Variants in SDK1 observed in about 807,000 individuals in gnomAD.
The protein encoded by SDK1 is protein sidekick-1.
In SDK1, 157 loss-of-function variants were observed where a neutral mutation model predicts 245.5. The observed-to-expected ratio is 0.64, with a 90% CI of 0.56 to 0.73. The LOEUF (loss-of-function observed/expected upper bound fraction) is 0.73. Among genes scored for constraint, SDK1 ranks in the 30% least tolerant of loss-of-function variants. The pLI, the probability that SDK1 is intolerant of heterozygous loss-of-function variation, is 0.00. For missense variants in SDK1, 3,583 were observed against 3,002.3 expected, an observed-to-expected ratio of 1.19 and a Z score of -4.52; for synonymous variants, 1,647 against 1,278.5, an observed-to-expected ratio of 1.29 and a Z score of -6.15.
intron 28 of SDK1, among the ~76,000 whole-genome samples, chr7:4,138,332 T>G (rs1381464956): frequency 6.6e-6 from 1 of 152,220 alleles, no homozygotes; most frequent in African/African-American, 2.4e-5. Flanking sequence ...AAACAGTCAT[T>G]AAAATTCATG....
chr7:4,001,346 C>T (rs1351337051), intron 14 of SDK1, among the ~76,000 whole-genome samples: 1 of 152,330 alleles, frequency 6.6e-6, no homozygotes, highest in South Asian at 2.1e-4. Context: ...CCTCCTGCCC[C>T]TTCTCTGGAG....
intron 4 of SDK1, among the ~76,000 whole-genome samples, chr7:3,747,180 C>T (rs929133990): frequency 1.3e-5 from 2 of 152,064 alleles, no homozygotes; most frequent in African/African-American, 4.8e-5. Flanking sequence ...GAAAATTTTG[C>T]AAACAGTGTG....
intron 4 of SDK1, among the ~76,000 whole-genome samples, chr7:3,812,303 G>T (rs553973274): frequency 3.9e-5 from 6 of 152,206 alleles, no homozygotes; most frequent in South Asian, 4.1e-4. Flanking sequence ...CACATTTATC[G>T]ACTACACACT....
At chr7:3,362,913 C>G (rs1187395280) in intron 1 of SDK1, among the ~76,000 whole-genome samples, 1 of 152,166 alleles carries the variant, frequency 6.6e-6, no homozygotes, top group Non-Finnish European at 1.5e-5. Flanking sequence ...AAAATATCCA[C>G]TTAATTTTAT....
chr7:4,138,891 C>T (rs1584261879), intron 28 of SDK1, among the ~76,000 whole-genome samples: 2 of 152,214 alleles, frequency 1.3e-5, no homozygotes, highest in African/African-American at 4.8e-5. Context: ...ACCAGCATAC[C>T]ATCACCCCAG....
chr7:4,220,977 T>C (rs1016288087), intron 39 of SDK1, among the ~76,000 whole-genome samples: 1 of 148,494 alleles, frequency 6.7e-6, no homozygotes, highest in Admixed American at 6.9e-5. Flanking sequence ...TAGAGACAAG[T>C]TTTTGCAATG....
chr7:3,434,897 C>T (rs992299393), intron 1 of SDK1, among the ~76,000 whole-genome samples: 5 of 152,260 alleles, frequency 3.3e-5, no homozygotes, highest in African/African-American at 4.8e-5. Context: ...GCCATTTCAT[C>T]GCAGTGTTTA....
chr7:3,550,993 G>T (rs550911089), intron 1 of SDK1, among the ~76,000 whole-genome samples: 1 of 152,316 alleles, frequency 6.6e-6, no homozygotes, highest in East Asian at 1.9e-4. Flanking sequence ...GCAGTGTTGA[G>T]TGAACTCAAC....
intron 32 of SDK1, among the ~76,000 whole-genome samples, chr7:4,163,659 C>T (rs985054262): frequency 7.9e-5 from 12 of 152,240 alleles, no homozygotes; most frequent in Middle Eastern, 3.4e-3. Flanking sequence ...CCTGCTGGGC[C>T]GGGAGAGAGA....
At chr7:3,519,877 T>A (rs991987037) in intron 1 of SDK1, among the ~76,000 whole-genome samples, 2 of 152,144 alleles carry the variant, frequency 1.3e-5, no homozygotes, top group Non-Finnish European at 2.9e-5. Flanking sequence ...AGTATACATA[T>A]ATTGAATGCA....
At chr7:3,580,968 CAAA>C (rs60617574) in intron 1 of SDK1, among the ~76,000 whole-genome samples, 63 of 24,874 alleles carry the variant, frequency 2.5e-3, no homozygotes, top group Non-Finnish European at 4.0e-3. Context: ...GACTCCATCT[CAAA>C]AAAAAAAAAA....
chr7:3,952,262 C>T (rs1325872939), intron 7 of SDK1, among the ~76,000 whole-genome samples: 2 of 152,160 alleles, frequency 1.3e-5, no homozygotes, highest in Admixed American at 6.5e-5. Context: ...ATTTGGCTAT[C>T]GTGATCGGTG....
intron 1 of SDK1, among the ~76,000 whole-genome samples, chr7:3,595,329 TC>T (rs1781018703): frequency 6.6e-6 from 1 of 152,152 alleles, no homozygotes; most frequent in African/African-American, 2.4e-5. Context: ...TTTATATACT[TC>T]TACCCTATTT....
rs56138263 is a variant in SDK1 at position 3,413,282 on chromosome 7, G to T, written c.298+111398G>T. 9.9e-5 allele frequency among the ~76,000 whole-genome samples: 15 copies of T among 152,212 alleles called. No individual in the cohort carries two copies. The South Asian group carries it at 1.2e-3, about 13-fold the overall frequency. ...AGCAAAGGGACTATCATGAGCAGAG[G>T]GGAGCAGGGCATAGCCTGAAGCTAA... On this transcript the variant is annotated intron_variant, in intron 1 of 44. Transcript: ENST00000404826.
chr7:4,053,599 T>C (rs1177567821), intron 19 of SDK1, among the ~76,000 whole-genome samples: 1 of 152,114 alleles, frequency 6.6e-6, no homozygotes, highest in African/African-American at 2.4e-5. Flanking sequence ...AGTCTAACCA[T>C]TGCTTTGACC....
chr7:4,014,107 T>C (rs913767960), intron 16 of SDK1, among the ~76,000 whole-genome samples: 8 of 152,234 alleles, frequency 5.3e-5, no homozygotes, highest in African/African-American at 1.9e-4. Context: ...AGCACAGGCC[T>C]GTCATCCCTC....
intron 1 of SDK1, among the ~76,000 whole-genome samples, chr7:3,472,232 T>C (rs945890710): frequency 2.6e-5 from 4 of 152,358 alleles, no homozygotes; most frequent in Middle Eastern, 3.4e-3. Flanking sequence ...ATTCCATCTT[T>C]AGCCATAGTG....
rs60507956 is a variant in SDK1 at position 4,016,879 on chromosome 7, A to T, written c.2421-292A>T. 8.2e-3 allele frequency among the ~76,000 whole-genome samples: 1,243 copies of T among 152,316 alleles called. 16 individuals are homozygous for T. Among genetic ancestry groups the T allele is most frequent in the African/African-American group, 0.028 (1,181 of 41,582 alleles). On this transcript the variant is annotated intron_variant, in intron 16 of 44. Transcript: ENST00000404826. ...AATCATGTCTGGAATTTTTCGTCCT[A>T]AGTCACTGTAGTCCCTAGACGAGTT...
At chr7:3,865,690 T>C (rs946349417) in intron 5 of SDK1, among the ~76,000 whole-genome samples, 43 of 151,774 alleles carry the variant, frequency 2.8e-4, no homozygotes, top group Non-Finnish European at 5.3e-4. Flanking sequence ...TTTCTTTTTT[T>C]TTTTTTTAGA....
Sources: allele counts gnomAD v4.1 joint callset (sites outside exome capture counted in the v4.1 genomes callset), GRCh38; gene constraint gnomAD v4.1.1; transcripts MANE v1.5; gene names NCBI Gene and HGNC (gene_info 2026-07-23, HGNC 2026-07-21).